GCSAM: variants seen among roughly 807,000 people sequenced by gnomAD.
GCSAM encodes germinal center-associated signaling and motility protein.
In GCSAM, 8 loss-of-function variants were observed where a neutral mutation model predicts 17.6. The ratio of observed to expected loss-of-function variants is 0.46; its 90% CI spans 0.27 to 0.82. The LOEUF is 0.82. Ranked by LOEUF, GCSAM falls within the 40% of genes least tolerant of loss-of-function variation. The pLI, the probability that GCSAM is intolerant of heterozygous loss-of-function variation, is 0.15. For synonymous variants in GCSAM, 68 were observed against 69.0 expected, an observed-to-expected ratio of 0.98 and a Z score of 0.07; for missense variants, 192 against 213.5, an observed-to-expected ratio of 0.90 and a Z score of 0.63.
chr3:112,125,241 TGAC>T lies in GCSAM; in HGVS notation c.201_203del (p.Met67_Ser68delinsIle), dbSNP rs776142563. 14 of 1,580,832 alleles carry T rather than the reference TGAC, an allele frequency of 8.9e-6. No individual in the cohort carries two copies. The South Asian group carries it at 1.4e-4, about 16-fold the overall frequency. On this transcript the variant is annotated inframe_deletion, in exon 5 of 6. Coordinates refer to ENST00000308910, the MANE Select transcript of GCSAM (RefSeq NM_152785.5). Reference sequence around the variant, plus strand: ...TTCTTATTACCTGGATGGGAGTAGATGACATTCTTTCATCTGGAGAAAGAAAAT... The same window carrying T: ...TTCTTATTACCTGGATGGGAGTAGATATTCTTTCATCTGGAGAAAGAAAAT...
At chr3:112,132,110 G>A (rs975504229) in intron 1 of GCSAM, among the ~76,000 whole-genome samples, 3 of 152,140 alleles carry the variant, frequency 2.0e-5, no homozygotes, top group Admixed American at 1.3e-4. Flanking sequence ...TTATATAATT[G>A]TTAGAACAAT....
In GCSAM at chr3:112,133,088, T is replaced by G. The variant is rs750791995; in HGVS notation, c.29+4A>C. 6.2e-7 allele frequency: 1 copy of G among 1,613,594 alleles called. No individual in the cohort carries two copies. Among genetic ancestry groups the G allele is most frequent in the Non-Finnish European group, 8.5e-7 (1 of 1,179,448 alleles). On this transcript the variant is annotated splice_donor_region_variant and intron_variant, in intron 1 of 5. Coordinates refer to ENST00000308910, the MANE Select transcript of GCSAM (RefSeq NM_152785.5). ...CTGCTCTCCCACAGGGAGTCTAGAC[T>G]TACCTGTTTTCTCTCAGCAGAGAAT... is the stretch of plus-strand genomic sequence containing the variant.
chr3:112,130,207 C>G (rs1393278694), intron 2 of GCSAM: 1 of 543,786 alleles, frequency 1.8e-6, no homozygotes, highest in Non-Finnish European at 3.3e-6. Context: ...ATAACAGGGA[C>G]TAGCAGGGTC....
At chr3:112,127,733 C>A (rs2074360504) in intron 3 of GCSAM, among the ~76,000 whole-genome samples, 1 of 152,194 alleles carries the variant, frequency 6.6e-6, no homozygotes, top group Non-Finnish European at 1.5e-5. Context: ...CATGCAGACT[C>A]AGATTTGCAG....
Position 112,121,920 on chromosome 3 carries a change from C to T in GCSAM, c.*1535G>A, listed in dbSNP as rs576785201. On this transcript the variant is annotated 3_prime_UTR_variant, in exon 6 of 6. Transcript: ENST00000308910. ...CAGGTTCCCTGTCGCTTAGCTGGTC[C>T]AAGGGCCTGTCTAGTAAACATAATG... 1 of 152,316 alleles carries T rather than the reference C, an allele frequency of 6.6e-6. No homozygotes were observed. The highest frequency in any genetic ancestry group is 1.9e-4 in the East Asian group (1 of 5,182). The allele number at this position is 152,316 out of a possible 1,614,324, so 9.4% of individuals were successfully genotyped here. A position where few individuals can be genotyped will look rare whatever the true frequency, so the allele number is the denominator to read the frequency against.
chr3:112,123,140 G>C lies in GCSAM; in HGVS notation c.*315C>G. 2.9e-6 allele frequency: 1 copy of C among 342,278 alleles called. No homozygotes were observed. The highest frequency in any genetic ancestry group is 5.4e-6 in the Non-Finnish European group (1 of 185,748). The allele number at this position is 342,278 out of a possible 1,614,324, so 21.2% of individuals were successfully genotyped here. On this transcript the variant is annotated 3_prime_UTR_variant, in exon 6 of 6. Transcript: ENST00000308910. ...CTTTATAAGAAGATCCCAGACAGAA[G>C]AGCAGAGCCCCTTGTGGTGTGCATA...
chr3:112,121,555 T>G lies in GCSAM; in HGVS notation c.*1900A>C. The G allele has an allele frequency of 6.6e-6, 1 of 151,342 alleles. No individual in the cohort carries two copies. The highest frequency in any genetic ancestry group is 2.0e-4 in the East Asian group (1 of 5,098). The allele number at this position is 151,342 out of a possible 1,614,324, so 9.4% of individuals were successfully genotyped here. A position where few individuals can be genotyped will look rare whatever the true frequency, so the allele number is the denominator to read the frequency against. On this transcript the variant is annotated 3_prime_UTR_variant, in exon 6 of 6. Transcript: ENST00000308910. ...ATTTGAGTGACTGATGATCTGTCGC[T>G]GGGTCTACACTCTTTCCTCTAAGCC...
intron 5 of GCSAM, 90 bp downstream of exon 5, chr3:112,125,136 A>G: frequency 1.2e-6 from 1 of 848,268 alleles, no homozygotes. Context: ...AAGGGTCAGA[A>G]GGGATCTCAG....
rs2074182885 is a variant in GCSAM, at chr3:112,120,916, T to C, written c.*2539A>G. ...TAAGTATATTACACTCATATCAGAA[T>C]TTTTTAACTCTTTTTTTGTTCTTAA... On this transcript the variant is annotated 3_prime_UTR_variant, in exon 6 of 6. Coordinates refer to ENST00000308910, the MANE Select transcript of GCSAM (RefSeq NM_152785.5). 1 of 152,164 alleles carries C rather than the reference T, an allele frequency of 6.6e-6. No homozygotes were observed. The highest frequency in any genetic ancestry group is 2.4e-5 in the African/African-American group (1 of 41,426). The allele number at this position is 152,164 out of a possible 1,614,324, so 9.4% of individuals were successfully genotyped here.
chr3:112,123,899 G>T, intron 5 of GCSAM, 127 bp from the exon 6 acceptor site: 1 of 996,648 alleles, frequency 1.0e-6, no homozygotes, highest in Admixed American at 2.4e-5. Flanking sequence ...CCATCTCTTG[G>T]CCATTTTTTT....
At chr3:112,130,411 G>A in intron 2 of GCSAM, 34 bp downstream of exon 2, 1 of 1,575,976 alleles carries the variant, frequency 6.3e-7, no homozygotes, top group East Asian at 2.2e-5. Flanking sequence ...CCTTGGGCAA[G>A]GTCTGGGGGG....
At chr3:112,125,151 C>T in intron 5 of GCSAM, 75 bp downstream of exon 5, 1 of 974,712 alleles carries the variant, frequency 1.0e-6, no homozygotes, top group Non-Finnish European at 1.7e-6. Flanking sequence ...TCTCAGAGGC[C>T]AACTTCTCCT....
At chr3:112,129,379 C>T (rs1187717253) in intron 2 of GCSAM, 5 of 152,178 alleles carry the variant, frequency 3.3e-5, no homozygotes, top group African/African-American at 1.2e-4. Flanking sequence ...TGGGCAAAAA[C>T]GATCTGTAAG....
chr3:112,127,838 A>C (rs946148610), intron 3 of GCSAM, among the ~76,000 whole-genome samples, 179 bp downstream of exon 3: 1 of 152,130 alleles, frequency 6.6e-6, no homozygotes, highest in Non-Finnish European at 1.5e-5. Context: ...CCATGAGACT[A>C]TTGTTCCTGT....
At chr3:112,130,054 T>A (rs1323750155) in intron 2 of GCSAM, 1 of 178,042 alleles carries the variant, frequency 5.6e-6, no homozygotes, top group Non-Finnish European at 1.2e-5. Context: ...AAAATTGTCG[T>A]AACATGGGGC....
At chr3:112,127,450 A>G (rs1188681536) in intron 3 of GCSAM, among the ~76,000 whole-genome samples, 1 of 152,220 alleles carries the variant, frequency 6.6e-6, no homozygotes, top group Non-Finnish European at 1.5e-5. Context: ...CTCTTCGCAT[A>G]AGGGAACACT....
intron 2 of GCSAM, chr3:112,128,322 C>G: frequency 1.6e-6 from 1 of 629,192 alleles, no homozygotes; most frequent in Non-Finnish European, 2.9e-6. Context: ...ACTCTCAATT[C>G]TGGTAATTTC....
intron 4 of GCSAM, 147 bp downstream of exon 4, chr3:112,126,840 A>G: frequency 1.5e-6 from 1 of 663,362 alleles, no homozygotes; most frequent in Non-Finnish European, 2.7e-6. Flanking sequence ...TACTGAGGAC[A>G]AAGGACATGC....
intron 1 of GCSAM, chr3:112,130,745 A>G (rs141876052): frequency 2.9e-4 from 157 of 550,008 alleles, no homozygotes; most frequent in South Asian, 4.1e-4. Flanking sequence ...TCCAACCTCC[A>G]TGAACAAGTG....
Sources: gnomAD v4.1 joint callset for allele counts (sites outside exome capture counted in the v4.1 genomes callset) on GRCh38, gnomAD v4.1.1 for gene constraint, MANE v1.5 for transcripts, NCBI Gene and HGNC (gene_info 2026-07-23, HGNC 2026-07-21) for gene names.